Variants in ZNF155 observed in about 807,000 individuals in gnomAD.
The protein encoded by ZNF155 is KRAB A domain.
ZNF155 carries 15 observed loss-of-function variants against 11.9 expected under a neutral mutation model. The observed-to-expected ratio is 1.26, with a 90% CI of 0.84 to 1.94. The LOEUF is 1.94. ZNF155 is among the 30% of genes most tolerant of loss of function. The pLI, the probability that ZNF155 is intolerant of heterozygous loss-of-function variation, is 0.00. For missense variants in ZNF155, 602 were observed against 639.1 expected, an observed-to-expected ratio of 0.94 and a Z score of 0.63; for synonymous variants, 212 against 219.9, an observed-to-expected ratio of 0.96 and a Z score of 0.32.
chr19:43,986,472 C>T (rs960886257), intron 1 of ZNF155, among the ~76,000 whole-genome samples: 1 of 129,736 alleles, frequency 7.7e-6, no homozygotes, highest in South Asian at 2.4e-4. Flanking sequence ...TTTTTTTAGA[C>T]GGAGTCTCGC....
intron 1 of ZNF155, among the ~76,000 whole-genome samples, chr19:43,986,007 AAG>A (rs1469640295): frequency 6.6e-6 from 1 of 152,198 alleles, no homozygotes; most frequent in African/African-American, 2.4e-5. Flanking sequence ...CAGGTGGGGA[AAG>A]AGAGTTAGGA....
At chr19:43,990,598 A>G (rs796679747) in intron 2 of ZNF155, among the ~76,000 whole-genome samples, 2 of 152,162 alleles carry the variant, frequency 1.3e-5, no homozygotes, top group East Asian at 1.9e-4. Context: ...CTGGCTTCTG[A>G]TCAGGACACT....
chr19:43,988,616 T>C (rs1975547694), intron 2 of ZNF155, 58 bp downstream of exon 2: 1 of 1,563,186 alleles, frequency 6.4e-7, no homozygotes, highest in Non-Finnish European at 8.7e-7. Flanking sequence ...CATATTTTCA[T>C]GTGTTTTTCT....
In ZNF155 at chr19:43,996,457, A is replaced by G; in HGVS notation, c.600A>G (p.Gly200=). ...ALHVHQRVHV[G]EKLFMCDVCG... ...ATGTTCATCAGAGAGTCCACGTGGG[A>G]GAGAAACTCTTTATGTGTGATGTGT... is the stretch of plus-strand genomic sequence containing the variant. The change falls in exon 5 of 5, where the codon GGA becomes GGG. Residue 200 remains glycine (G), a synonymous_variant. Coordinates refer to ENST00000270014, the MANE Select transcript of ZNF155 (RefSeq NM_198089.3). 1 of 1,614,210 alleles carries G rather than the reference A, an allele frequency of 6.2e-7. No homozygotes were observed. Among genetic ancestry groups the G allele is most frequent in the Non-Finnish European group, 8.5e-7 (1 of 1,180,032 alleles).
chr19:43,991,929 A>G lies in ZNF155; in HGVS notation c.230A>G (p.Asn77Ser). ...GGGACAGCAACCCAAAGAGAAGGGA[A>G]TTCAGGTAAGAACTAAGCATCTGTG... ...MMGTATQREGNSGGKIQTELE... is the reference protein window; with the variant it reads ...MMGTATQREGSSGGKIQTELE... The change falls in exon 4 of 5, where the codon AAT (asparagine) becomes AGT (serine). Residue 77 changes from asparagine to serine, a missense_variant. Asn to Ser is a conservative substitution (Grantham distance 46). Transcript: ENST00000270014. 2 of 1,613,172 alleles carry G rather than the reference A, an allele frequency of 1.2e-6. No individual in the cohort carries two copies. The highest frequency in any genetic ancestry group is 2.7e-5 in the African/African-American group (2 of 75,004).
chr19:43,985,878 T>C (rs1055173721), intron 1 of ZNF155, among the ~76,000 whole-genome samples: 1 of 152,194 alleles, frequency 6.6e-6, no homozygotes, highest in Non-Finnish European at 1.5e-5. Flanking sequence ...AGACACCTGG[T>C]GCTTAGTTCC....
Position 43,996,952 on chromosome 19 carries a change from C to A in ZNF155, c.1095C>A (p.Val365=). The change falls in exon 5 of 5, where the codon GTC becomes GTA. Residue 365 remains valine (V), a synonymous_variant. Transcript: ENST00000270014. ...TAGATTTTTATAAGCATCAGGTGGT[C>A]CACACAGGAGAAAAACCATATAATT... The part of the protein sequence containing the change: ...GRLDFYKHQV[V]HTGEKPYNCK... The A allele has an allele frequency of 6.2e-7, 1 of 1,609,042 alleles. No homozygotes were observed. Among genetic ancestry groups the A allele is most frequent in the Non-Finnish European group, 8.5e-7 (1 of 1,177,150 alleles).
chr19:43,984,540 C>A (rs911534656), intron 1 of ZNF155, among the ~76,000 whole-genome samples: 2 of 152,082 alleles, frequency 1.3e-5, no homozygotes, highest in African/African-American at 4.8e-5. Context: ...CGCCTCCCTC[C>A]ACTCTTAAGT....
At chr19:43,986,157 A>T (rs979531052) in intron 1 of ZNF155, among the ~76,000 whole-genome samples, 3 of 152,198 alleles carry the variant, frequency 2.0e-5, no homozygotes, top group Non-Finnish European at 4.4e-5. Flanking sequence ...AGCATTTTAA[A>T]ATTAGATTAA....
Position 43,997,513 on chromosome 19 carries a change from T to C in ZNF155, c.*39T>C, listed in dbSNP as rs371562956. 1.4e-6 allele frequency: 2 copies of C among 1,471,272 alleles called. No individual in the cohort carries two copies. The highest frequency in any genetic ancestry group is 1.8e-6 in the Non-Finnish European group (2 of 1,089,710). The allele number at this position is 1,471,272 out of a possible 1,614,324, so 91.1% of individuals were successfully genotyped here. A position where few individuals can be genotyped will look rare whatever the true frequency, so the allele number is the denominator to read the frequency against. ...TGGGGTACAACGTGCTATTTTAATG[T>C]GTGCATACAATTTATAGTGATCCAA... On this transcript the variant is annotated 3_prime_UTR_variant, in exon 5 of 5. Coordinates refer to ENST00000270014, the MANE Select transcript of ZNF155 (RefSeq NM_198089.3).
rs751547660 is a variant in ZNF155, at chr19:43,997,193, C to A, written c.1336C>A (p.His446Asn). ...TGTTACTAAGTTTAATCTTGACTTG[C>A]ACCAGAGGGTCCACACGGGAGAGAG... ...GYVTKFNLDL[H>N]QRVHTGERPY... Residue 446 changes from histidine (H) to asparagine (N), a missense_variant, in exon 5 of 5, where the codon CAC (histidine) becomes AAC (asparagine). Coordinates refer to ENST00000270014, the MANE Select transcript of ZNF155 (RefSeq NM_198089.3). 1 of 1,614,186 alleles carries A rather than the reference C, an allele frequency of 6.2e-7. No individual in the cohort carries two copies. The highest frequency in any genetic ancestry group is 8.5e-7 in the Non-Finnish European group (1 of 1,180,034).
intron 2 of ZNF155, chr19:43,990,153 C>A: frequency 1.6e-6 from 2 of 1,232,632 alleles, no homozygotes; most frequent in South Asian, 1.4e-5. Context: ...GTTATATGAT[C>A]ACAGTTCTAA....
At chr19:43,995,924 GTGGTTCTGAAT>G (rs1461456424) in intron 4 of ZNF155, among the ~76,000 whole-genome samples, 158 bp from the exon 5 acceptor site, 3 of 152,214 alleles carry the variant, frequency 2.0e-5, no homozygotes, top group Non-Finnish European at 4.4e-5. Flanking sequence ...GAGACATGAT[GTGGTTCTGAAT>G]TGGCCTCATG....
At chr19:43,985,379 G>C (rs1975400903) in intron 1 of ZNF155, among the ~76,000 whole-genome samples, 1 of 151,172 alleles carries the variant, frequency 6.6e-6, no homozygotes. Flanking sequence ...CTTTTACAGA[G>C]ATGTTCACCT....
In ZNF155 at chr19:43,985,832, G is replaced by A. The variant is rs777467498; in HGVS notation, c.-86+1587G>A. ...TGGGATTACAGGCGTGAGCCACCGC[G>A]CCCGGTCGCTCTTTTCCATTTTAAA... On this transcript the variant is annotated intron_variant, in intron 1 of 4. Transcript: ENST00000270014. Among the ~76,000 whole-genome samples the A allele has an allele frequency of 2.0e-5, 3 of 152,168 alleles. 1 individual carries two copies. The highest frequency in any genetic ancestry group is 7.2e-5 in the African/African-American group (3 of 41,432).
chr19:43,994,100 G>T (rs1975753106), intron 4 of ZNF155, among the ~76,000 whole-genome samples: 1 of 152,136 alleles, frequency 6.6e-6, no homozygotes, highest in Non-Finnish European at 1.5e-5. Context: ...GCTCACTAAT[G>T]TGTAGTCTTC....
intron 4 of ZNF155, 132 bp from the exon 5 acceptor site, chr19:43,995,961 G>T: frequency 8.4e-7 from 1 of 1,190,944 alleles, no homozygotes. Context: ...CAGAAATCAG[G>T]GTGTACTTGG....
intron 1 of ZNF155, among the ~76,000 whole-genome samples, chr19:43,985,780 T>C (rs1243133639): frequency 6.6e-6 from 1 of 152,094 alleles, no homozygotes; most frequent in Non-Finnish European, 1.5e-5. Context: ...GACCTCGTGA[T>C]CCGACCGCCT....
Position 43,997,258 on chromosome 19 carries a change from G to T in ZNF155, c.1401G>T (p.Arg467=). 4 of 1,613,994 alleles carry T rather than the reference G, an allele frequency of 2.5e-6. No homozygotes were observed. Among genetic ancestry groups the T allele is most frequent in the Non-Finnish European group, 3.4e-6 (4 of 1,179,992 alleles). Residue 467 remains arginine, a synonymous_variant, in exon 5 of 5, where the codon CGG becomes CGT. Coordinates refer to ENST00000270014, the MANE Select transcript of ZNF155 (RefSeq NM_198089.3). ...NCKECGKNFS[R]ASSILNHKRL... ...AGGAATGTGGGAAGAACTTTAGCCG[G>T]GCCTCAAGTATTTTGAATCATAAGA...
Sources: allele counts gnomAD v4.1 joint callset (sites outside exome capture counted in the v4.1 genomes callset), GRCh38; gene constraint gnomAD v4.1.1; transcripts MANE v1.5; gene names NCBI Gene and HGNC (gene_info 2026-07-23, HGNC 2026-07-21).